RNF125: variants seen among roughly 807,000 people sequenced by gnomAD.
The protein encoded by RNF125 is E3 ubiquitin-protein ligase RNF125.
A neutral mutation model predicts 26.0 loss-of-function variants in RNF125; 21 were observed. The observed-to-expected ratio is 0.81, with a 90% confidence interval of 0.57 to 1.16. RNF125 has a LOEUF of 1.16. Ranked by LOEUF, RNF125 falls within the 50% of genes most tolerant of loss-of-function variation. The pLI, the probability that RNF125 is intolerant of heterozygous loss-of-function variation, is 0.00. For synonymous variants in RNF125, 95 were observed against 109.2 expected (o/e 0.87, Z 0.81); for missense variants, 270 against 299.4 (o/e 0.90, Z 0.72).
chr18:32,037,256 A>C lies in RNF125; in HGVS notation c.305A>C (p.Glu102Ala). 1 of 1,556,556 alleles carries C rather than the reference A, an allele frequency of 6.4e-7. No individual in the cohort carries two copies. The highest frequency in any genetic ancestry group is 8.7e-7 in the Non-Finnish European group (1 of 1,152,650). Residue 102 changes from glutamate (E) to alanine (A), a missense_variant, in exon 2 of 6, where the codon GAG becomes GCG. Coordinates refer to ENST00000217740, the MANE Select transcript of RNF125 (RefSeq NM_017831.4). ...AAATCAGAGTATAAGAACTGCGCTG[A>C]GTGTGACACCCTGGTATGTATGTGA... ...RMKSEYKNCA[E>A]CDTLVCLSEM...
rs553206549 is a variant in RNF125, at chr18:32,032,678, A to C, written c.165-4438A>C. On this transcript the variant is annotated intron_variant, in intron 1 of 5. Coordinates refer to ENST00000217740, the MANE Select transcript of RNF125 (RefSeq NM_017831.4). ...ACTCGCTTCTTCAATGGACTACCAA[A>C]AAACATAAAGCCACTTTAAAACCCA... Among the ~76,000 whole-genome samples, 256 of 152,234 alleles carry C rather than the reference A, an allele frequency of 1.7e-3. 1 individual carries two copies. Among genetic ancestry groups the C allele is most frequent in the African/African-American group, 5.8e-3 (240 of 41,554 alleles).
chr18:32,067,967 C>A (rs953818656), intron 5 of RNF125, among the ~76,000 whole-genome samples: 2 of 152,196 alleles, frequency 1.3e-5, no homozygotes, highest in African/African-American at 2.4e-5. Flanking sequence ...AACTTTGCTC[C>A]ATTTTACAGG....
intron 4 of RNF125, among the ~76,000 whole-genome samples, chr18:32,058,131 CTAA>C (rs1198250899): frequency 1.8e-5 from 2 of 109,716 alleles, no homozygotes; most frequent in Non-Finnish European, 3.6e-5. Context: ...GACCCCATCT[CTAA>C]AAAAAAAAAA....
chr18:32,050,372 C>T (rs55673393), intron 4 of RNF125, among the ~76,000 whole-genome samples: 14,195 of 152,100 alleles, frequency 0.093, 2,158 homozygotes, highest in African/African-American at 0.32. Context: ...CAGGCCGGAC[C>T]GCAGTGGTGC....
At chr18:32,060,129 A>C (rs571253198) in intron 4 of RNF125, among the ~76,000 whole-genome samples, 9 of 152,236 alleles carry the variant, frequency 5.9e-5, no homozygotes, top group Non-Finnish European at 1.0e-4. Flanking sequence ...GATTCATTGC[A>C]TAGAAAGGGC....
intron 4 of RNF125, among the ~76,000 whole-genome samples, chr18:32,062,047 G>A (rs1244089529): frequency 6.6e-6 from 1 of 152,140 alleles, no homozygotes; most frequent in Non-Finnish European, 1.5e-5. Context: ...TAAATATGTG[G>A]CATTTATTGA....
chr18:32,061,191 A>AT (rs1374839215), intron 4 of RNF125, among the ~76,000 whole-genome samples: 1 of 151,808 alleles, frequency 6.6e-6, no homozygotes. Context: ...CACCCGGCTA[A>AT]TTTTTTGTAT....
chr18:32,026,242 C>CTTTTTTT (rs1181390375), intron 1 of RNF125, among the ~76,000 whole-genome samples: 30 of 73,144 alleles, frequency 4.1e-4, no homozygotes, highest in East Asian at 1.4e-3. Flanking sequence ...AGCACCCGGT[C>CTTTTTTT]TTTTTTTTTT....
intron 1 of RNF125, among the ~76,000 whole-genome samples, chr18:32,023,997 A>T (rs1201845530): frequency 6.6e-6 from 1 of 152,192 alleles, no homozygotes; most frequent in African/African-American, 2.4e-5. Context: ...ATCCAATTTC[A>T]GTCAGCTTTG....
At chr18:32,084,566 T>C in the RNF125 span, among the ~76,000 whole-genome samples, 1 of 152,296 alleles carries the variant, frequency 6.6e-6, no homozygotes, top group African/African-American at 2.4e-5. Flanking sequence ...CTGATTTGTG[T>C]GTTTGGGCAA....
the RNF125 span, among the ~76,000 whole-genome samples, chr18:32,079,128 C>T: frequency 6.6e-6 from 1 of 152,162 alleles, no homozygotes; most frequent in Non-Finnish European, 1.5e-5. Flanking sequence ...ATGTGTCAAT[C>T]TGCTCAGGCT....
Position 32,018,949 on chromosome 18 carries a change from A to G in RNF125, c.86A>G (p.Glu29Gly), listed in dbSNP as rs765301390. 1.9e-6 allele frequency: 3 copies of G among 1,613,612 alleles called. No individual in the cohort carries two copies. In the South Asian group the frequency reaches 3.3e-5, roughly 18 times the overall value. The change falls in exon 1 of 6, where the codon GAG becomes GGG. Residue 29 changes from glutamate (E) to glycine (G), a missense_variant. Transcript: ENST00000217740. ...ARALERRRDP[E>G]LPVTSFDCAV... ...GCCCTGGAGCGCAGGAGGGACCCGGAGTTGCCCGTCACGTCCTTCGACTGC... is the reference window on the plus strand; with the variant it reads ...GCCCTGGAGCGCAGGAGGGACCCGGGGTTGCCCGTCACGTCCTTCGACTGC...
intron 4 of RNF125, among the ~76,000 whole-genome samples, chr18:32,052,709 G>A (rs1314821399): frequency 1.3e-5 from 2 of 152,086 alleles, no homozygotes; most frequent in Non-Finnish European, 2.9e-5. Flanking sequence ...CAGATAGAGC[G>A]GAGTGTCCAT....
the RNF125 span, among the ~76,000 whole-genome samples, chr18:32,084,819 A>G: frequency 6.6e-6 from 1 of 152,234 alleles, no homozygotes; most frequent in Non-Finnish European, 1.5e-5. Flanking sequence ...TGGAAGCTGT[A>G]TAATAATACA....
At chr18:32,076,600 C>G (rs1398891417), downstream of RNF125, among the ~76,000 whole-genome samples, 2 of 152,146 alleles carry the variant, frequency 1.3e-5, no homozygotes, top group African/African-American at 4.8e-5. Flanking sequence ...TGTGAGCCAA[C>G]ACGCCCGGCC....
At position 32,068,360 on chromosome 18, in the gene RNF125, T is replaced by C; in HGVS notation, c.675T>C (p.Tyr225=). The part of the protein sequence containing the change: ...RRVLDRSLLE[Y]VNHSNTT ...TCTTAGACCGGTCACTTCTTGAATA[T>C]GTGAATCACTCGAACACCACATAAT... The change falls in exon 6 of 6, where the codon TAT becomes TAC. Residue 225 remains tyrosine (Y), a synonymous_variant. Transcript: ENST00000217740. 1 of 1,594,536 alleles carries C rather than the reference T, an allele frequency of 6.3e-7. No individual in the cohort carries two copies. Among genetic ancestry groups the C allele is most frequent in the African/African-American group, 1.3e-5 (1 of 74,636 alleles).
the RNF125 span, among the ~76,000 whole-genome samples, chr18:32,080,079 A>G: frequency 6.6e-6 from 1 of 152,132 alleles, no homozygotes; most frequent in Admixed American, 6.5e-5. Context: ...CCCAGGCTGG[A>G]GTGCAGTGGT....
downstream of RNF125, among the ~76,000 whole-genome samples, chr18:32,078,194 G>A (rs56810557): frequency 0.077 from 11,677 of 152,110 alleles, 558 homozygotes; most frequent in African/African-American, 0.12. Flanking sequence ...TGGTGATAGC[G>A]GTATAACTTA....
the RNF125 span, among the ~76,000 whole-genome samples, chr18:32,078,569 G>C: frequency 2.6e-5 from 4 of 151,852 alleles, no homozygotes; most frequent in Admixed American, 1.3e-4. Flanking sequence ...AAGCCCAGGA[G>C]TTCAACGCTG....
Sources: gnomAD v4.1 joint callset for allele counts (sites outside exome capture counted in the v4.1 genomes callset) on GRCh38, gnomAD v4.1.1 for gene constraint, MANE v1.5 for transcripts, NCBI Gene and HGNC (gene_info 2026-07-23, HGNC 2026-07-21) for gene names.